Variants in TACR1 observed in about 807,000 individuals in gnomAD.
TACR1 encodes the protein tachykinin receptor 1.
In TACR1, 25 loss-of-function variants were observed where a neutral mutation model predicts 35.8. The ratio of observed to expected loss-of-function variants is 0.70; its 90% CI spans 0.51 to 0.98. The LOEUF (loss-of-function observed/expected upper bound fraction) is 0.98. TACR1 is among the 50% of genes least tolerant of loss of function. The pLI, the probability that TACR1 is intolerant of heterozygous loss-of-function variation, is 0.00. For synonymous variants in TACR1, 195 were observed against 206.7 expected, an observed-to-expected ratio of 0.94 and a Z score of 0.48; for missense variants, 478 against 522.9, an observed-to-expected ratio of 0.91 and a Z score of 0.84.
chr2:75,159,552 A>G (rs1674949453), intron 1 of TACR1, among the ~76,000 whole-genome samples: 1 of 152,190 alleles, frequency 6.6e-6, no homozygotes, highest in African/African-American at 2.4e-5. Context: ...AGGAAAAAAG[A>G]TAAGGGTTAC....
Position 75,049,541 on chromosome 2 carries a change from C to A in TACR1, c.1115G>T (p.Gly372Val), listed in dbSNP as rs760755179. The change falls in exon 5 of 5, where the codon GGC becomes GTC. Residue 372 changes from glycine to valine, a missense_variant. Coordinates refer to ENST00000305249, the MANE Select transcript of TACR1 (RefSeq NM_001058.4). The part of the protein sequence containing the change: ...VGAHEEEPED[G>V]PKATPSSLDL... ...CAGGGACGAGGGTGTGGCCTTGGGG[C>A]CGTCCTCTGGCTCCTCCTCGTGGGC... 5 of 1,614,050 alleles carry A rather than the reference C, an allele frequency of 3.1e-6. No individual in the cohort carries two copies. The highest frequency in any genetic ancestry group is 2.7e-5 in the African/African-American group (2 of 74,946).
At chr2:75,149,233 T>G (rs1290171953) in intron 1 of TACR1, among the ~76,000 whole-genome samples, 1 of 152,172 alleles carries the variant, frequency 6.6e-6, no homozygotes, top group Non-Finnish European at 1.5e-5. Flanking sequence ...GGCTCTTTTT[T>G]GGTTCCATAT....
intron 2 of TACR1, among the ~76,000 whole-genome samples, chr2:75,099,910 T>C (rs1246492174): frequency 1.3e-5 from 2 of 152,212 alleles, no homozygotes; most frequent in African/African-American, 2.4e-5. Flanking sequence ...AGAACACATA[T>C]GTCCACTGGG....
chr2:75,056,391 A>T (rs1277438390), intron 2 of TACR1, among the ~76,000 whole-genome samples: 1 of 151,992 alleles, frequency 6.6e-6, no homozygotes, highest in Non-Finnish European at 1.5e-5. Context: ...CGCCCTAATC[A>T]CCCAACGGCA....
chr2:75,171,850 T>G (rs2104019136), intron 1 of TACR1, among the ~76,000 whole-genome samples: 1 of 152,338 alleles, frequency 6.6e-6, no homozygotes, highest in Non-Finnish European at 1.5e-5. Context: ...TAACTTGCTT[T>G]TGATTTTACA....
intron 1 of TACR1, among the ~76,000 whole-genome samples, chr2:75,130,020 C>CA (rs1558562966): frequency 6.6e-6 from 1 of 152,224 alleles, no homozygotes; most frequent in African/African-American, 2.4e-5. Flanking sequence ...GTGAGGCACT[C>CA]ACAGTGCAAG....
chr2:75,061,894 A>G (rs1278975638), intron 2 of TACR1, among the ~76,000 whole-genome samples: 2 of 152,186 alleles, frequency 1.3e-5, no homozygotes, highest in African/African-American at 4.8e-5. Flanking sequence ...CTCAAATTGC[A>G]CAAGTCAGAA....
intron 1 of TACR1, among the ~76,000 whole-genome samples, chr2:75,170,131 C>A (rs1234290747): frequency 6.6e-6 from 1 of 152,038 alleles, no homozygotes; most frequent in Non-Finnish European, 1.5e-5. Context: ...CACCCAAATC[C>A]CATTTTGAAT....
chr2:75,096,071 T>C (rs1047330005), intron 2 of TACR1, among the ~76,000 whole-genome samples: 15 of 152,322 alleles, frequency 9.8e-5, no homozygotes, highest in African/African-American at 3.4e-4. Context: ...GGCAACTTTG[T>C]ACAAAAGGGG....
chr2:75,118,917 C>A (rs976354995), intron 2 of TACR1: 1 of 152,254 alleles, frequency 6.6e-6, no homozygotes, highest in Non-Finnish European at 1.5e-5. Context: ...CCCGCTGGGA[C>A]CTTGCTCAGG....
Position 75,113,250 on chromosome 2 carries a change from C to A in TACR1, c.584+7324G>T, listed in dbSNP as rs370917349. ...TTATGCTCTCTGGCCTCTGTGCTTT[C>A]TCTTTCTCCATCTGAGGACAGCTGC... is the stretch of plus-strand genomic sequence containing the variant. On this transcript the variant is annotated intron_variant, in intron 2 of 4. Coordinates refer to ENST00000305249, the MANE Select transcript of TACR1 (RefSeq NM_001058.4). 4.3e-4 allele frequency among the ~76,000 whole-genome samples: 65 copies of A among 152,272 alleles called. 1 individual carries two copies. Among genetic ancestry groups the A allele is most frequent in the South Asian group, 3.7e-3 (18 of 4,830 alleles).
intron 1 of TACR1, among the ~76,000 whole-genome samples, chr2:75,150,528 C>T (rs186127436): frequency 4.8e-4 from 73 of 152,264 alleles, no homozygotes; most frequent in African/African-American, 1.7e-3. Context: ...TTGCTGCCAC[C>T]ATATATGAAG....
intron 1 of TACR1, among the ~76,000 whole-genome samples, chr2:75,151,866 C>G (rs915018342): frequency 1.3e-5 from 2 of 150,022 alleles, no homozygotes; most frequent in Admixed American, 1.3e-4. Flanking sequence ...TGCCCAAGAC[C>G]ATGGGAACCT....
intron 2 of TACR1, among the ~76,000 whole-genome samples, chr2:75,061,568 C>T (rs956302063): frequency 3.9e-5 from 6 of 152,132 alleles, no homozygotes; most frequent in East Asian, 1.9e-4. Context: ...TGGGTTATAG[C>T]GACACGAGTA....
chr2:75,144,717 C>A (rs1674470323), intron 1 of TACR1, among the ~76,000 whole-genome samples: 1 of 152,118 alleles, frequency 6.6e-6, no homozygotes, highest in South Asian at 2.1e-4. Flanking sequence ...AAACTGATAT[C>A]AGAAATATTA....
chr2:75,141,443 G>A (rs1674402445), intron 1 of TACR1, among the ~76,000 whole-genome samples: 1 of 152,034 alleles, frequency 6.6e-6, no homozygotes, highest in Non-Finnish European at 1.5e-5. Context: ...GGGAAGCTAT[G>A]TAGACTCTGG....
intron 2 of TACR1, among the ~76,000 whole-genome samples, chr2:75,106,723 T>C (rs949024264): frequency 4.6e-5 from 7 of 151,938 alleles, no homozygotes; most frequent in Admixed American, 4.6e-4. Context: ...GCTATGGAAG[T>C]AGGGAATATT....
intron 1 of TACR1, among the ~76,000 whole-genome samples, chr2:75,130,955 G>C (rs186259292): frequency 2.6e-5 from 4 of 152,270 alleles, no homozygotes; most frequent in African/African-American, 9.6e-5. Flanking sequence ...ATGTACAAAA[G>C]GTCGAGTAAT....
At chr2:75,151,463 C>A (rs939668195) in intron 1 of TACR1, among the ~76,000 whole-genome samples, 3 of 152,212 alleles carry the variant, frequency 2.0e-5, no homozygotes, top group Non-Finnish European at 2.9e-5. Context: ...AGGATGCAAG[C>A]CCCAAGCCTT....
Sources: allele counts gnomAD v4.1 joint callset (sites outside exome capture counted in the v4.1 genomes callset), GRCh38; gene constraint gnomAD v4.1.1; transcripts MANE v1.5; gene names NCBI Gene and HGNC (gene_info 2026-07-23, HGNC 2026-07-21).